Variants in TNKS observed in about 807,000 individuals in gnomAD.
The protein encoded by TNKS is poly [ADP-ribose] polymerase tankyrase-1.
In TNKS, 72 loss-of-function variants were observed where a neutral mutation model predicts 135.8. That is an observed-to-expected ratio of 0.53 (90% confidence interval 0.44 to 0.64). TNKS has a LOEUF of 0.64. Among genes scored for constraint, TNKS ranks in the 30% least tolerant of loss-of-function variants. TNKS has a pLI of 0.00. For synonymous variants in TNKS, 849 were observed against 649.3 expected (o/e 1.31, Z -4.68); for missense variants, 1,769 against 1,674.0 (o/e 1.06, Z -0.99).
At chr8:9,702,842 C>T (rs191314275) in intron 5 of TNKS, among the ~76,000 whole-genome samples, 2 of 152,202 alleles carry the variant, frequency 1.3e-5, no homozygotes. Context: ...ATGGTGACAC[C>T]TCAGCTCAAG....
intron 26 of TNKS, among the ~76,000 whole-genome samples, chr8:9,770,584 C>A (rs944410199): frequency 6.6e-6 from 1 of 152,194 alleles, no homozygotes; most frequent in Non-Finnish European, 1.5e-5. Context: ...CATGCCAGGG[C>A]AGCTGCTGTT....
At chr8:9,763,327 A>T in intron 22 of TNKS, 83 bp downstream of exon 22, 1 of 911,720 alleles carries the variant, frequency 1.1e-6, no homozygotes, top group Non-Finnish European at 1.6e-6. Context: ...CTCGTCTTAC[A>T]TTGCCTTGCG....
intron 3 of TNKS, among the ~76,000 whole-genome samples, chr8:9,654,905 C>T (rs1801291290): frequency 6.6e-6 from 1 of 152,094 alleles, no homozygotes; most frequent in South Asian, 2.1e-4. Flanking sequence ...GGGTGCAGGA[C>T]AGTGGGTGCA....
chr8:9,686,755 T>TG (rs1585327407), intron 5 of TNKS, among the ~76,000 whole-genome samples: 1 of 152,232 alleles, frequency 6.6e-6, no homozygotes, highest in Non-Finnish European at 1.5e-5. Context: ...CATGGTATTG[T>TG]GGGAAAAAGC....
At chr8:9,762,237 T>C (rs1684413716) in intron 21 of TNKS, among the ~76,000 whole-genome samples, 1 of 152,184 alleles carries the variant, frequency 6.6e-6, no homozygotes, top group African/African-American at 2.4e-5. Context: ...TTTCTCTATT[T>C]GTTAGAAGCA....
chr8:9,766,283 C>T lies in TNKS; in HGVS notation c.3598C>T (p.Arg1200Ter). The T allele has an allele frequency of 1.9e-6, 3 of 1,613,158 alleles. No individual in the cohort carries two copies. Among genetic ancestry groups the T allele is most frequent in the Non-Finnish European group, 1.7e-6 (2 of 1,179,600 alleles). Reference protein sequence around the residue: ...NAIIHKGFDERHAYIGGMFGA... With the variant: ...NAIIHKGFDE ...CATTATTCATAAAGGGTTTGATGAGCGACATGCATACATAGGAGGAATGTT... is the reference window on the plus strand; with the variant it reads ...CATTATTCATAAAGGGTTTGATGAGTGACATGCATACATAGGAGGAATGTT... The change falls in exon 25 of 27, where the codon CGA becomes TGA. Residue 1200 changes from arginine to a stop codon, truncating the protein, a stop_gained. Coordinates refer to ENST00000310430, the MANE Select transcript of TNKS (RefSeq NM_003747.3). LOFTEE classifies it high-confidence loss of function.
intron 1 of TNKS, chr8:9,557,124 G>A (rs1395888163): frequency 6.2e-6 from 1 of 161,686 alleles, no homozygotes; most frequent in Non-Finnish European, 1.3e-5. Flanking sequence ...AAAGAAGTTT[G>A]CAGTCTAGAC....
intron 3 of TNKS, among the ~76,000 whole-genome samples, chr8:9,628,167 TA>T (rs60413454): frequency 0.97 from 147,699 of 151,768 alleles, 71,981 homozygotes; most frequent in East Asian, 1. Flanking sequence ...AACAATAAAA[TA>T]AAAAAAAAAA....
At chr8:9,670,000 GT>G (rs1437189407) in intron 3 of TNKS, 1 of 152,160 alleles carries the variant, frequency 6.6e-6, no homozygotes, top group Non-Finnish European at 1.5e-5. Flanking sequence ...ACTCAGTGCA[GT>G]TGAACATTCA....
intron 13 of TNKS, 88 bp downstream of exon 13, chr8:9,726,808 T>C (rs1805185248): frequency 9.7e-7 from 1 of 1,036,044 alleles, no homozygotes; most frequent in Non-Finnish European, 1.4e-6. Flanking sequence ...TCTACTCAAA[T>C]ACAAACAGTA....
chr8:9,759,907 G>A (rs184711518), intron 20 of TNKS, among the ~76,000 whole-genome samples: 17 of 152,156 alleles, frequency 1.1e-4, no homozygotes, highest in East Asian at 9.7e-4. Flanking sequence ...CCCAGGAGGC[G>A]GAGGTTGCAG....
intron 5 of TNKS, among the ~76,000 whole-genome samples, chr8:9,686,160 G>A (rs1377890694): frequency 1.3e-5 from 2 of 152,266 alleles, no homozygotes; most frequent in East Asian, 3.9e-4. Context: ...ACGCCCCTGA[G>A]TTGGCCTGGC....
At chr8:9,672,090 T>C (rs1008415363) in intron 3 of TNKS, among the ~76,000 whole-genome samples, 1 of 152,226 alleles carries the variant, frequency 6.6e-6, no homozygotes, top group African/African-American at 2.4e-5. Context: ...AAGTAATCCT[T>C]ACTTTACCTC....
At chr8:9,638,460 C>T (rs559433608) in intron 3 of TNKS, among the ~76,000 whole-genome samples, 2 of 152,112 alleles carry the variant, frequency 1.3e-5, no homozygotes, top group Non-Finnish European at 2.9e-5. Flanking sequence ...ACAGCTATGC[C>T]CATGCAGCTG....
At chr8:9,771,278 AGCG>A in intron 26 of TNKS, among the ~76,000 whole-genome samples, 2 of 129,328 alleles carry the variant, frequency 1.5e-5, no homozygotes, top group African/African-American at 5.9e-5. Flanking sequence ...AGGAAGAGAG[AGCG>A]AGGAAGGGAG....
intron 1 of TNKS, among the ~76,000 whole-genome samples, chr8:9,576,814 T>C (rs536078350): frequency 2.8e-4 from 42 of 152,106 alleles, no homozygotes; most frequent in Non-Finnish European, 4.7e-4. Flanking sequence ...CATATGAAGT[T>C]GACAAAAATA....
chr8:9,618,436 C>T (rs987832167), intron 3 of TNKS, among the ~76,000 whole-genome samples: 9 of 152,174 alleles, frequency 5.9e-5, no homozygotes, highest in African/African-American at 2.2e-4. Context: ...AGAGACTCAT[C>T]ATCCTCTTTG....
intron 6 of TNKS, among the ~76,000 whole-genome samples, chr8:9,705,751 G>GT (rs935547365): frequency 7.9e-5 from 12 of 152,050 alleles, no homozygotes; most frequent in Admixed American, 3.3e-4. Context: ...CAAAAAAAGG[G>GT]TTTTTTTGGT....
At chr8:9,775,576 ACTCT>A (rs1480126281) in intron 26 of TNKS, among the ~76,000 whole-genome samples, 1 of 145,414 alleles carries the variant, frequency 6.9e-6, no homozygotes, top group African/African-American at 2.5e-5. Flanking sequence ...AGGAGGGAGT[ACTCT>A]CTAATGAATA....
Sources: gnomAD v4.1 joint callset for allele counts (sites outside exome capture counted in the v4.1 genomes callset) on GRCh38, gnomAD v4.1.1 for gene constraint, MANE v1.5 for transcripts, NCBI Gene and HGNC (gene_info 2026-07-23, HGNC 2026-07-21) for gene names.